USP8: variants seen among roughly 807,000 people sequenced by gnomAD.
USP8 encodes the protein ubiquitin specific peptidase 8.
In USP8, 27 loss-of-function variants were observed where a neutral mutation model predicts 130.0. The observed-to-expected ratio is 0.21, with a 90% confidence interval of 0.15 to 0.29. The LOEUF (loss-of-function observed/expected upper bound fraction) is 0.29. Among genes scored for constraint, USP8 ranks in the 10% least tolerant of loss-of-function variants. The probability of loss-of-function intolerance (pLI) is 1.00; values close to 1 mark genes in which losing one functional copy is unlikely to be tolerated. For synonymous variants in USP8, 392 were observed against 444.1 expected, an observed-to-expected ratio of 0.88 and a Z score of 1.48; for missense variants, 1,029 against 1,312.2, an observed-to-expected ratio of 0.78 and a Z score of 3.33.
In USP8 at chr15:50,506,529, C is replaced by A. The variant is rs1012720186; in HGVS notation, c.*7441C>A. 2 of 152,204 alleles carry A rather than the reference C, an allele frequency of 1.3e-5. No individual in the cohort carries two copies. The highest frequency in any genetic ancestry group is 4.1e-4 in the South Asian group (2 of 4,822). The allele number at this position is 152,204 out of a possible 1,614,324, so 9.4% of individuals were successfully genotyped here. ...CACAAAAATCAGTCCCTGGTGCCAA[C>A]AAGGTTGGGGACTGCCGAATTAGAA... On this transcript the variant is annotated 3_prime_UTR_variant, in exon 20 of 20. Transcript: ENST00000307179.
At chr15:50,480,726 G>A (rs2051736758) in intron 10 of USP8, among the ~76,000 whole-genome samples, 1 of 152,010 alleles carries the variant, frequency 6.6e-6, no homozygotes, top group African/African-American at 2.4e-5. Flanking sequence ...ACAGACTATG[G>A]TAAAGATTTT....
chr15:50,485,966 A>T (rs78983779), intron 12 of USP8, among the ~76,000 whole-genome samples: 5,171 of 152,274 alleles, frequency 0.034, 144 homozygotes, highest in Non-Finnish European at 0.048. Context: ...AAGCCTGCAC[A>T]TGTTCAGTAC....
chr15:50,470,145 A>G (rs1028426245), intron 7 of USP8, among the ~76,000 whole-genome samples: 1 of 152,186 alleles, frequency 6.6e-6, no homozygotes, highest in Non-Finnish European at 1.5e-5. Flanking sequence ...TTAAACCAAT[A>G]TTCACTGAAC....
At chr15:50,490,627 G>A in intron 14 of USP8, 102 bp downstream of exon 14, 2 of 1,410,206 alleles carry the variant, frequency 1.4e-6, no homozygotes, top group Non-Finnish European at 1.9e-6. Flanking sequence ...GGAAATTTCT[G>A]TGGATGGCTA....
In USP8 at chr15:50,486,993, G is replaced by A. The variant is rs542583887; in HGVS notation, c.1890+2632G>A. Among the ~76,000 whole-genome samples, 15 of 152,048 alleles carry A rather than the reference G, an allele frequency of 9.9e-5. 1 individual carries two copies. Among genetic ancestry groups the A allele is most frequent in the Middle Eastern group, 6.8e-3 (2 of 294 alleles). ...ACAAAAAGTAGCCGGGTGTGGTGGC[G>A]TGTGCCTGTAGTCCCAGCTACTTGG... On this transcript the variant is annotated intron_variant, in intron 12 of 19. Transcript: ENST00000307179.
intron 3 of USP8, among the ~76,000 whole-genome samples, chr15:50,444,370 G>A (rs2050357757): frequency 6.6e-6 from 1 of 151,340 alleles, no homozygotes; most frequent in Admixed American, 6.6e-5. Context: ...CTCCCAAAGT[G>A]CTGGGATTAC....
At chr15:50,495,400 G>A (rs970691214) in intron 16 of USP8, among the ~76,000 whole-genome samples, 1 of 151,428 alleles carries the variant, frequency 6.6e-6, no homozygotes, top group Admixed American at 6.6e-5. Flanking sequence ...TATATGTCCA[G>A]TTGTAGCCCT....
intron 1 of USP8, among the ~76,000 whole-genome samples, chr15:50,433,145 G>A (rs1303045672): frequency 6.6e-6 from 1 of 152,096 alleles, no homozygotes; most frequent in African/African-American, 2.4e-5. Context: ...GGGAGGCTGA[G>A]GCTGCTTGAA....
rs1429148023 is a variant in USP8, at chr15:50,484,339, C to G, written c.1868C>G (p.Thr623Arg). The change falls in exon 12 of 20, where the codon ACA (threonine) becomes AGA (arginine). Residue 623 changes from threonine to arginine, a missense_variant. Coordinates refer to ENST00000307179, the MANE Select transcript of USP8 (RefSeq NM_005154.5). The part of the protein sequence containing the change: ...ILRTGTFRED[T>R]DDTERNKAQR... ...AGGACAGGAACTTTTAGAGAGGATA[C>G]AGACGATACCGAAAGAAATAAAGTA... 1 of 1,611,436 alleles carries G rather than the reference C, an allele frequency of 6.2e-7. No individual in the cohort carries two copies. Among genetic ancestry groups the G allele is most frequent in the Non-Finnish European group, 8.5e-7 (1 of 1,179,126 alleles).
At chr15:50,449,608 C>T (rs910350748) in intron 4 of USP8, 123 bp downstream of exon 4, 10 of 608,734 alleles carry the variant, frequency 1.6e-5, no homozygotes, top group East Asian at 4.3e-5. Flanking sequence ...GACAGAGTCT[C>T]GCGCTGTCTG....
chr15:50,487,492 G>A (rs1303091797), intron 12 of USP8, among the ~76,000 whole-genome samples: 6 of 152,132 alleles, frequency 3.9e-5, no homozygotes, highest in Non-Finnish European at 7.3e-5. Context: ...AATAGAAAGT[G>A]AAAATTGAGG....
chr15:50,453,274 G>T (rs1289213467), intron 4 of USP8, among the ~76,000 whole-genome samples: 1 of 152,136 alleles, frequency 6.6e-6, no homozygotes, highest in Non-Finnish European at 1.5e-5. Flanking sequence ...CTATTGATGG[G>T]TTCATCATTC....
intron 10 of USP8, among the ~76,000 whole-genome samples, chr15:50,480,337 A>G (rs1284541446): frequency 6.6e-6 from 1 of 152,196 alleles, no homozygotes; most frequent in African/African-American, 2.4e-5. Context: ...GGAAGATTGC[A>G]TTTGTTCCCT....
In USP8 at chr15:50,483,722, A is replaced by G. The variant is rs867750220; in HGVS notation, c.1804-553A>G. Reference sequence around the variant, plus strand: ...AGCAGGAGAATCACTTGAACCCATGAGGCAGAGGTTGCAGTGAGCCAAGAT... The same window carrying G: ...AGCAGGAGAATCACTTGAACCCATGGGGCAGAGGTTGCAGTGAGCCAAGAT... On this transcript the variant is annotated intron_variant, in intron 11 of 19. Transcript: ENST00000307179. Among the ~76,000 whole-genome samples, 4 of 151,840 alleles carry G rather than the reference A, an allele frequency of 2.6e-5. No homozygotes were observed. In the South Asian group the frequency reaches 8.3e-4, roughly 32 times the overall value.
At chr15:50,477,632 G>A in intron 10 of USP8, 133 bp downstream of exon 10, 1 of 773,860 alleles carries the variant, frequency 1.3e-6, no homozygotes, top group South Asian at 2.0e-5. Flanking sequence ...CTGAGGTCAG[G>A]AGTTTGAGAC....
chr15:50,471,842 G>C (rs1566868812), intron 8 of USP8, 47 bp downstream of exon 8: 2 of 1,595,918 alleles, frequency 1.3e-6, no homozygotes, highest in African/African-American at 1.4e-5. Context: ...GGGCATCTCT[G>C]GTTGTTAGAA....
chr15:50,499,118 T>C lies in USP8; in HGVS notation c.*30T>C, dbSNP rs370675207. The C allele has an allele frequency of 6.5e-7, 1 of 1,546,568 alleles. No individual in the cohort carries two copies. The highest frequency in any genetic ancestry group is 1.4e-5 in the African/African-American group (1 of 72,646). ...ACATAGGTTATAAACTAGTTATCTTTTAAAAGGCTCAGCAACACAACTCTT... is the reference window on the plus strand; with the variant it reads ...ACATAGGTTATAAACTAGTTATCTTCTAAAAGGCTCAGCAACACAACTCTT... On this transcript the variant is annotated 3_prime_UTR_variant, in exon 20 of 20. Transcript: ENST00000307179.
chr15:50,487,391 A>T (rs1040327781), intron 12 of USP8, among the ~76,000 whole-genome samples: 19 of 152,162 alleles, frequency 1.2e-4, no homozygotes, highest in African/African-American at 4.6e-4. Context: ...AGACACACAC[A>T]CATGCCTTCT....
At chr15:50,445,570 G>C (rs1446335332) in intron 3 of USP8, among the ~76,000 whole-genome samples, 44 of 17,748 alleles carry the variant, frequency 2.5e-3, no homozygotes, top group East Asian at 5.6e-3. Context: ...AAAAAAAAAA[G>C]CCTGGGCACA....
Sources: gnomAD v4.1 joint callset for allele counts (sites outside exome capture counted in the v4.1 genomes callset) on GRCh38, gnomAD v4.1.1 for gene constraint, MANE v1.5 for transcripts, NCBI Gene and HGNC (gene_info 2026-07-23, HGNC 2026-07-21) for gene names.